NOS1AP: variants seen among roughly 807,000 people sequenced by gnomAD.
The protein encoded by NOS1AP is nitric oxide synthase 1 adaptor protein, also known as carboxyl-terminal PDZ ligand of neuronal nitric oxide synthase protein.
A neutral mutation model predicts 56.2 loss-of-function variants in NOS1AP; 21 were observed. The ratio of observed to expected loss-of-function variants is 0.37; its 90% CI spans 0.26 to 0.54. NOS1AP has a LOEUF of 0.54. Among genes scored for constraint, NOS1AP ranks in the 20% least tolerant of loss-of-function variants. The pLI is 0.84. For missense variants in NOS1AP, 522 were observed against 657.8 expected, an observed-to-expected ratio of 0.79 and a Z score of 2.26; for synonymous variants, 270 against 274.6, an observed-to-expected ratio of 0.98 and a Z score of 0.17.
chr1:162,232,029 A>G (rs1201609753), intron 2 of NOS1AP, among the ~76,000 whole-genome samples: 2 of 152,198 alleles, frequency 1.3e-5, no homozygotes, highest in African/African-American at 4.8e-5. Flanking sequence ...TTATCCACAT[A>G]AAGTTTATGC....
At chr1:162,130,635 G>T (rs1383204435) in intron 1 of NOS1AP, among the ~76,000 whole-genome samples, 2 of 152,116 alleles carry the variant, frequency 1.3e-5, no homozygotes, top group Admixed American at 1.3e-4. Flanking sequence ...CAAGGAAAAG[G>T]CTTTTCTAGA....
chr1:162,105,927 G>A (rs1210223633), intron 1 of NOS1AP, among the ~76,000 whole-genome samples: 1 of 152,178 alleles, frequency 6.6e-6, no homozygotes, highest in Non-Finnish European at 1.5e-5. Flanking sequence ...GAAGAATGAT[G>A]CCAGTTGGCC....
chr1:162,152,831 G>A (rs139287378), intron 1 of NOS1AP, among the ~76,000 whole-genome samples: 33 of 152,262 alleles, frequency 2.2e-4, no homozygotes, highest in African/African-American at 5.5e-4. Context: ...TGCTTTTCCC[G>A]TAACTACAGG....
chr1:162,362,312 G>C (rs945066674), intron 8 of NOS1AP, among the ~76,000 whole-genome samples: 1 of 152,170 alleles, frequency 6.6e-6, no homozygotes, highest in Admixed American at 6.5e-5. Context: ...TTAGCTAGGT[G>C]TGGTGGCGGG....
At chr1:162,257,788 C>T (rs1654081565) in intron 2 of NOS1AP, among the ~76,000 whole-genome samples, 1 of 152,156 alleles carries the variant, frequency 6.6e-6, no homozygotes, top group African/African-American at 2.4e-5. Flanking sequence ...CTTGAGGCCT[C>T]TGTGGCAATC....
At chr1:162,358,390 G>A (rs894433473) in intron 8 of NOS1AP, among the ~76,000 whole-genome samples, 1 of 152,178 alleles carries the variant, frequency 6.6e-6, no homozygotes, top group Non-Finnish European at 1.5e-5. Context: ...TTTGCAGCCA[G>A]GTTTCAGGAG....
At chr1:162,260,549 C>T (rs1259837150) in intron 2 of NOS1AP, among the ~76,000 whole-genome samples, 3 of 152,116 alleles carry the variant, frequency 2.0e-5, no homozygotes, top group African/African-American at 7.2e-5. Context: ...ATATAGATGA[C>T]ATTTGATGAC....
At chr1:162,327,237 G>A (rs1482464585) in intron 4 of NOS1AP, among the ~76,000 whole-genome samples, 1 of 152,044 alleles carries the variant, frequency 6.6e-6, no homozygotes, top group Admixed American at 6.5e-5. Flanking sequence ...AGAAACACTA[G>A]AACATATGTA....
chr1:162,095,609 G>A (rs1197067023), intron 1 of NOS1AP, among the ~76,000 whole-genome samples: 1 of 152,184 alleles, frequency 6.6e-6, no homozygotes, highest in Non-Finnish European at 1.5e-5. Context: ...TACTACCTGT[G>A]TATTAAGTTC....
At chr1:162,200,942 C>T (rs998991199) in intron 2 of NOS1AP, among the ~76,000 whole-genome samples, 5 of 152,164 alleles carry the variant, frequency 3.3e-5, no homozygotes, top group Admixed American at 2.6e-4. Context: ...AGTCCATGTG[C>T]AGGTTTGTTA....
intron 5 of NOS1AP, among the ~76,000 whole-genome samples, 198 bp downstream of exon 5, chr1:162,333,323 A>G (rs968899234): frequency 6.6e-6 from 1 of 152,232 alleles, no homozygotes; most frequent in Non-Finnish European, 1.5e-5. Flanking sequence ...ACATACAGAT[A>G]AATGCAAAGG....
At chr1:162,159,099 A>G (rs1222786051) in intron 2 of NOS1AP, among the ~76,000 whole-genome samples, 1 of 152,198 alleles carries the variant, frequency 6.6e-6, no homozygotes, top group Non-Finnish European at 1.5e-5. Flanking sequence ...TTGCACTGTC[A>G]GTCCAACTGT....
chr1:162,193,237 C>T (rs1651698269), intron 2 of NOS1AP, among the ~76,000 whole-genome samples: 1 of 152,124 alleles, frequency 6.6e-6, no homozygotes, highest in Non-Finnish European at 1.5e-5. Context: ...AATAGGAGCT[C>T]TAGATCCCCG....
chr1:162,110,992 C>T (rs1647686248), intron 1 of NOS1AP, among the ~76,000 whole-genome samples: 1 of 152,200 alleles, frequency 6.6e-6, no homozygotes, highest in African/African-American at 2.4e-5. Context: ...ATGCCAGGTA[C>T]TGTCTCAGGC....
chr1:162,144,188 A>G (rs1457578777), intron 1 of NOS1AP, among the ~76,000 whole-genome samples: 3 of 152,184 alleles, frequency 2.0e-5, no homozygotes, highest in African/African-American at 7.2e-5. Flanking sequence ...AGGCATCCTC[A>G]TCTAGCTCAA....
chr1:162,103,437 A>G (rs1212678800), intron 1 of NOS1AP, among the ~76,000 whole-genome samples: 1 of 152,142 alleles, frequency 6.6e-6, no homozygotes, highest in Non-Finnish European at 1.5e-5. Context: ...TTCTGTAGAT[A>G]TCTATCACGT....
chr1:162,258,141 C>T (rs992289104), intron 2 of NOS1AP, among the ~76,000 whole-genome samples: 4 of 152,158 alleles, frequency 2.6e-5, no homozygotes, highest in Admixed American at 6.5e-5. Context: ...GCTCAGTCTC[C>T]CTCAGCCCTC....
chr1:162,302,651 T>C (rs1480120473), intron 4 of NOS1AP, among the ~76,000 whole-genome samples: 4 of 152,220 alleles, frequency 2.6e-5, no homozygotes, highest in Non-Finnish European at 5.9e-5. Flanking sequence ...TTGCTTATTT[T>C]TAATAGCTTC....
intron 1 of NOS1AP, among the ~76,000 whole-genome samples, chr1:162,094,776 C>T (rs1692201093): frequency 6.6e-6 from 1 of 152,152 alleles, no homozygotes; most frequent in Non-Finnish European, 1.5e-5. Flanking sequence ...GACTTCTGTC[C>T]TGTTAATGGT....
Sources: allele counts gnomAD v4.1 joint callset (sites outside exome capture counted in the v4.1 genomes callset), GRCh38; gene constraint gnomAD v4.1.1; transcripts MANE v1.5; gene names NCBI Gene and HGNC (gene_info 2026-07-23, HGNC 2026-07-21).